Variants in EDNRB observed in about 807,000 individuals in gnomAD.
EDNRB encodes endothelin receptor type B.
EDNRB carries 18 observed loss-of-function variants against 46.4 expected under a neutral mutation model. The ratio of observed to expected loss-of-function variants is 0.39; its 90% CI spans 0.27 to 0.57. EDNRB has a LOEUF of 0.57. EDNRB is among the 20% of genes least tolerant of loss of function. The pLI is 0.61. For missense variants in EDNRB, 434 were observed against 537.5 expected, an observed-to-expected ratio of 0.81 and a Z score of 1.90; for synonymous variants, 213 against 204.9, an observed-to-expected ratio of 1.04 and a Z score of -0.34.
At chr13:77,947,373 T>A (rs1193365575) in intron 1 of EDNRB, 2 of 151,882 alleles carry the variant, frequency 1.3e-5, no homozygotes. Flanking sequence ...CAACCCCAGG[T>A]GATCCACCTT....
chr13:77,941,069 C>A (rs1205738202), intron 1 of EDNRB, among the ~76,000 whole-genome samples: 1 of 152,112 alleles, frequency 6.6e-6, no homozygotes, highest in Non-Finnish European at 1.5e-5. Context: ...CTGGTTGAAA[C>A]CTGGAAATGT....
At chr13:77,913,493 C>T (rs1427464772) in intron 1 of EDNRB, among the ~76,000 whole-genome samples, 1 of 152,096 alleles carries the variant, frequency 6.6e-6, no homozygotes, top group Non-Finnish European at 1.5e-5. Context: ...TTTGTCTTAT[C>T]AGTTTGCAAG....
chr13:77,971,726 A>G (rs544482442), intron 1 of EDNRB, among the ~76,000 whole-genome samples: 1 of 152,278 alleles, frequency 6.6e-6, no homozygotes, highest in African/African-American at 2.4e-5. Context: ...CAAGCTTTAA[A>G]TTGATCTGGT....
chr13:77,916,359 G>A lies in EDNRB; in HGVS notation c.483+1732C>T, dbSNP rs531564430. On this transcript the variant is annotated intron_variant, in intron 1 of 6. Transcript: ENST00000646607. ...AATGGGAAGATTTAGTTTGTGGGACGCCTTAAGAAGTAAAAGGGTCACTTC... is the reference window on the plus strand; with the variant it reads ...AATGGGAAGATTTAGTTTGTGGGACACCTTAAGAAGTAAAAGGGTCACTTC... Among the ~76,000 whole-genome samples the A allele has an allele frequency of 1.2e-4, 19 of 152,294 alleles. No homozygotes were observed. In the South Asian group the frequency reaches 1.7e-3, roughly 13 times the overall value.
intron 1 of EDNRB, among the ~76,000 whole-genome samples, chr13:77,907,509 G>C (rs571406707): frequency 3.9e-4 from 59 of 151,910 alleles, no homozygotes; most frequent in African/African-American, 1.4e-3. Context: ...TTATCTGTCT[G>C]TCTACTAACT....
In EDNRB at chr13:77,903,257, C is replaced by T; in HGVS notation, c.700G>A (p.Val234Ile). 1 of 1,613,008 alleles carries T rather than the reference C, an allele frequency of 6.2e-7. No individual in the cohort carries two copies. The highest frequency in any genetic ancestry group is 8.5e-7 in the Non-Finnish European group (1 of 1,179,392). Residue 234 changes from valine (V) to isoleucine (I), a missense_variant, in exon 3 of 7, where the codon GTC (valine) becomes ATC (isoleucine). Val to Ile is a conservative substitution (Grantham distance 29, BLOSUM62 3). Coordinates refer to ENST00000646607, the MANE Select transcript of EDNRB (RefSeq NM_001122659.3). ...ATATCAAAACCTATGGCTTCAGGGA[C>T]AGCCAGAACCACAGAGACCACCCAA... Reference protein sequence around the residue: ...LIWVVSVVLAVPEAIGFDIIT... With the variant: ...LIWVVSVVLAIPEAIGFDIIT...
Position 77,901,039 on chromosome 13 carries a change from A to G in EDNRB, c.951+19T>C. On this transcript the variant is annotated intron_variant, in intron 4 of 6. Coordinates refer to ENST00000646607, the MANE Select transcript of EDNRB (RefSeq NM_001122659.3). ...TTATAAATTCAACCACGAGTTATCAAATATTTGTATTTTCTTACCTGCTTT... is the reference window on the plus strand; with the variant it reads ...TTATAAATTCAACCACGAGTTATCAGATATTTGTATTTTCTTACCTGCTTT... 3 of 1,608,580 alleles carry G rather than the reference A, an allele frequency of 1.9e-6. No individual in the cohort carries two copies. The highest frequency in any genetic ancestry group is 2.2e-5 in the South Asian group (2 of 90,788).
chr13:77,969,940 C>A (rs11841485), intron 1 of EDNRB, among the ~76,000 whole-genome samples: 3,148 of 152,056 alleles, frequency 0.021, 117 homozygotes, highest in African/African-American at 0.073. Context: ...TGTAAATAAA[C>A]AAGAGACATG....
In EDNRB at chr13:77,918,182, C is replaced by T; in HGVS notation, c.392G>A (p.Cys131Tyr). 20 of 1,614,168 alleles carry T rather than the reference C, an allele frequency of 1.2e-5. No homozygotes were observed. The highest frequency in any genetic ancestry group is 1.7e-5 in the Non-Finnish European group (20 of 1,180,042). ...TLLRIIYKNKCMRNGPNILIA... is the reference protein window; with the variant it reads ...TLLRIIYKNKYMRNGPNILIA... Reference sequence around the variant, plus strand: ...CAAGATATTGGGACCGTTTCGCATGCACTTGTTCTTGTAGATAATTCTCAG... The same window carrying T: ...CAAGATATTGGGACCGTTTCGCATGTACTTGTTCTTGTAGATAATTCTCAG... The change falls in exon 1 of 7, where the codon TGC becomes TAC. Residue 131 changes from cysteine (C) to tyrosine (Y), a missense_variant. Physicochemically the swap from Cys to Tyr is radical, Grantham distance 194. Transcript: ENST00000646607. The surrounding 1 kb of genome is among the most constrained non-coding windows in gnomAD (Gnocchi z 4.5).
At chr13:77,953,361 AAAATAT>A (rs1270881086) in intron 1 of EDNRB, among the ~76,000 whole-genome samples, 6 of 151,072 alleles carry the variant, frequency 4.0e-5, no homozygotes, top group South Asian at 2.1e-4. Flanking sequence ...TTTAAAGATT[AAAATAT>A]AAATATATAT....
chr13:77,971,523 A>G (rs1881730303), intron 1 of EDNRB, among the ~76,000 whole-genome samples: 1 of 150,598 alleles, frequency 6.6e-6, no homozygotes, highest in Non-Finnish European at 1.5e-5. Context: ...TTTCTTTCTG[A>G]CACATAGGGT....
chr13:77,927,872 A>G (rs752475651), intron 1 of EDNRB, among the ~76,000 whole-genome samples: 1 of 152,194 alleles, frequency 6.6e-6, no homozygotes, highest in Non-Finnish European at 1.5e-5. Flanking sequence ...GGTGTGAGGT[A>G]ATTGAATCAT....
chr13:77,908,443 A>G (rs2137622906), intron 1 of EDNRB, among the ~76,000 whole-genome samples: 1 of 151,978 alleles, frequency 6.6e-6, no homozygotes, highest in Admixed American at 6.6e-5. Flanking sequence ...AAAAAAAAAA[A>G]AATTCACTCT....
intron 1 of EDNRB, among the ~76,000 whole-genome samples, chr13:77,974,803 G>A (rs2137699852): frequency 6.6e-6 from 1 of 152,164 alleles, no homozygotes; most frequent in African/African-American, 2.4e-5. Context: ...TCCTTCTGAT[G>A]GCCAACCTAC....
intron 1 of EDNRB, among the ~76,000 whole-genome samples, chr13:77,906,981 AAGG>A (rs1879313130): frequency 6.6e-6 from 1 of 152,022 alleles, no homozygotes; most frequent in Non-Finnish European, 1.5e-5. Flanking sequence ...CAGTGGTTTG[AAGG>A]AGGTGATTGT....
chr13:77,974,184 A>G (rs1159456959), intron 1 of EDNRB, among the ~76,000 whole-genome samples: 1 of 151,786 alleles, frequency 6.6e-6, no homozygotes, highest in Admixed American at 6.6e-5. Flanking sequence ...TTTTTTTCCT[A>G]ACAGAATAGC....
chr13:77,943,328 T>C (rs1880805956), intron 1 of EDNRB, among the ~76,000 whole-genome samples: 1 of 152,094 alleles, frequency 6.6e-6, no homozygotes, highest in Non-Finnish European at 1.5e-5. Context: ...ATTAAAGAAG[T>C]CTAAATGTTA....
intron 1 of EDNRB, among the ~76,000 whole-genome samples, chr13:77,938,632 G>A (rs926565597): frequency 2.6e-5 from 4 of 152,194 alleles, no homozygotes; most frequent in African/African-American, 9.6e-5. Flanking sequence ...ACCAAGGGAA[G>A]GCTGCCTTCC....
At chr13:77,924,643 T>C (rs549295882), upstream of EDNRB, among the ~76,000 whole-genome samples, 1 of 152,364 alleles carries the variant, frequency 6.6e-6, no homozygotes, top group Admixed American at 6.5e-5. Context: ...TCTGTAACTT[T>C]TTCATCTTGC....
Sources: gnomAD v4.1 joint callset for allele counts (sites outside exome capture counted in the v4.1 genomes callset) on GRCh38, gnomAD v4.1.1 for gene constraint, Gnocchi (gnomAD v3.1) non-coding constraint, MANE v1.5 for transcripts, NCBI Gene and HGNC (gene_info 2026-07-23, HGNC 2026-07-21) for gene names.